STS: variants seen among roughly 807,000 people sequenced by gnomAD.
The protein encoded by STS is steryl-sulfatase.
A neutral mutation model predicts 26.8 loss-of-function variants in STS; 7 were observed. That is an observed-to-expected ratio of 0.26 (90% confidence interval 0.15 to 0.49). The LOEUF (loss-of-function observed/expected upper bound fraction) is 0.49, where lower values mean the gene tolerates loss of function less well. Among genes scored for constraint, STS ranks in the 20% least tolerant of loss-of-function variants. STS has a pLI of 0.98. For synonymous variants in STS, 199 were observed against 189.4 expected, an observed-to-expected ratio of 1.05 and a Z score of -0.42; for missense variants, 434 against 465.6, an observed-to-expected ratio of 0.93 and a Z score of 0.63.
chrX:7,235,625 T>G (rs1230864302), intron 2 of STS, among the ~76,000 whole-genome samples: 2 of 111,530 alleles, frequency 1.8e-5, no homozygotes, highest in Non-Finnish European at 3.8e-5. Context: ...TTTTAAAAAT[T>G]GGCCAGACAG....
At chrX:7,197,911 C>T (rs1934000250) in intron 2 of STS, among the ~76,000 whole-genome samples, 1 of 111,583 alleles carries the variant, frequency 9.0e-6, no homozygotes, top group Non-Finnish European at 1.9e-5. Flanking sequence ...TAAATAACTG[C>T]TAAATACATG....
intron 1 of STS, among the ~76,000 whole-genome samples, chrX:7,160,379 A>G (rs1204704914): frequency 8.9e-6 from 1 of 112,443 alleles, no homozygotes; most frequent in African/African-American, 3.2e-5. Context: ...ACAACAATTT[A>G]TCTAATATGT....
chrX:7,325,491 G>C lies in STS; in HGVS notation c.1234G>C (p.Glu412Gln). ...CAAGCTGGCTGGAGCTCCCTTGCCT[G>C]AGGACAGGTACTCTGATGCCAGGGT... The part of the protein sequence containing the change: ...VAKLAGAPLP[E>Q]DRIIDGRDLM... The change falls in exon 9 of 11, where the codon GAG becomes CAG. Residue 412 changes from glutamate (E) to glutamine (Q), a missense_variant. Physicochemically the swap from Glu to Gln is conservative, Grantham distance 29. This residue lies in a region of STS where 205 missense variants were observed against 177.3 expected (regional missense o/e 1.16). Transcript: ENST00000674429. The C allele has an allele frequency of 8.3e-7, 1 of 1,211,050 alleles. No individual in the cohort carries two copies. The highest frequency in any genetic ancestry group is 1.1e-6 in the Non-Finnish European group (1 of 895,268).
chrX:7,155,168 A>AT (rs1216527888), intron 1 of STS, among the ~76,000 whole-genome samples: 195 of 105,915 alleles, frequency 1.8e-3, no homozygotes, highest in African/African-American at 5.8e-3. Flanking sequence ...TGGTCTTCCC[A>AT]TTTTTTTTTT....
At position 7,257,321 on chromosome X, in the gene STS, A is replaced by C; in HGVS notation, c.217A>C (p.Ser73Arg). 1 of 1,212,056 alleles carries C rather than the reference A, an allele frequency of 8.3e-7. No individual in the cohort carries two copies. The highest frequency in any genetic ancestry group is 1.1e-6 in the Non-Finnish European group (1 of 895,450). Residue 73 changes from serine to arginine, a missense_variant, in exon 4 of 11, where the codon AGC (serine) becomes CGC (arginine). By Grantham distance (110) the Ser-to-Arg change is moderately radical. Coordinates refer to ENST00000674429, the MANE Select transcript of STS (RefSeq NM_001320752.2). ...HLAASPLCTP[S>R]RAAFMTGRYP... is the part of the protein sequence containing the mutation. ...GGCAGCATCACCGCTGTGCACACCAAGCAGGGCAGCCTTCATGACTGGCCG... is the reference window on the plus strand; with the variant it reads ...GGCAGCATCACCGCTGTGCACACCACGCAGGGCAGCCTTCATGACTGGCCG...
At chrX:7,256,267 A>C (rs1392791915) in intron 3 of STS, among the ~76,000 whole-genome samples, 2 of 112,205 alleles carry the variant, frequency 1.8e-5, no homozygotes, top group Non-Finnish European at 3.8e-5. Flanking sequence ...ATGTTCAGCC[A>C]ATCCATTCAT....
At chrX:7,247,447 T>G (rs912981297) in intron 2 of STS, among the ~76,000 whole-genome samples, 11 of 111,964 alleles carry the variant, frequency 9.8e-5, no homozygotes, top group African/African-American at 3.2e-4. Context: ...TTAAAAAATA[T>G]CATGCTTCTC....
intron 6 of STS, among the ~76,000 whole-genome samples, chrX:7,268,114 A>G (rs1924095161): frequency 9.0e-6 from 1 of 110,881 alleles, no homozygotes; most frequent in Non-Finnish European, 1.9e-5. Context: ...GGTGGGGGGG[A>G]AACACCTACA....
chrX:7,242,548 C>T (rs1458899167), intron 2 of STS, among the ~76,000 whole-genome samples: 2 of 109,253 alleles, frequency 1.8e-5, no homozygotes, highest in African/African-American at 3.3e-5. Flanking sequence ...TGCAGTGAGC[C>T]GTGATCACGC....
At chrX:7,172,209 A>G (rs1215490106) in intron 1 of STS, among the ~76,000 whole-genome samples, 1 of 111,672 alleles carries the variant, frequency 9.0e-6, no homozygotes, top group Non-Finnish European at 1.9e-5. Flanking sequence ...ACTCTGCAGT[A>G]TGACCCTATA....
At chrX:7,220,483 G>A (rs1363705416) in intron 2 of STS, among the ~76,000 whole-genome samples, 2 of 108,699 alleles carry the variant, frequency 1.8e-5, no homozygotes, top group South Asian at 4.0e-4. Flanking sequence ...AGTGCAACTC[G>A]AATGCCATTT....
intron 1 of STS, among the ~76,000 whole-genome samples, chrX:7,187,234 A>T (rs1246990807): frequency 8.9e-6 from 1 of 112,316 alleles, no homozygotes; most frequent in African/African-American, 3.2e-5. Flanking sequence ...TTCCTCTTCA[A>T]AATACACTTT....
At chrX:7,334,331 C>G (rs1018592913) in intron 10 of STS, among the ~76,000 whole-genome samples, 2 of 111,331 alleles carry the variant, frequency 1.8e-5, no homozygotes, top group Non-Finnish European at 3.8e-5. Flanking sequence ...ATGTCATTCA[C>G]CCACCTGAAC....
chrX:7,228,752 C>T (rs1921928374), intron 2 of STS, among the ~76,000 whole-genome samples: 1 of 112,127 alleles, frequency 8.9e-6, no homozygotes, highest in Non-Finnish European at 1.9e-5. Context: ...GTTTTTGCTT[C>T]TATGGCCTGA....
intron 8 of STS, among the ~76,000 whole-genome samples, chrX:7,323,043 C>G (rs755137121): frequency 5.0e-4 from 56 of 111,736 alleles, no homozygotes; most frequent in Non-Finnish European, 6.2e-4. Context: ...TTTTGTGCCT[C>G]TCTTGCAGGC....
intron 10 of STS, among the ~76,000 whole-genome samples, chrX:7,347,342 A>G (rs1248634607): frequency 1.2e-4 from 13 of 112,112 alleles, no homozygotes; most frequent in African/African-American, 4.2e-4. Flanking sequence ...TAAGCAATCT[A>G]CCTTTTTATG....
chrX:7,264,020 C>A (rs1413273852), intron 6 of STS, among the ~76,000 whole-genome samples: 1 of 111,931 alleles, frequency 8.9e-6, no homozygotes, highest in Non-Finnish European at 1.9e-5. Flanking sequence ...ATTTATAGAT[C>A]TATCAGAATT....
rs777589394 is a variant in STS, at chrX:7,341,635, G to A, written c.1363+7528G>A. On this transcript the variant is annotated intron_variant, in intron 10 of 10. Coordinates refer to ENST00000674429, the MANE Select transcript of STS (RefSeq NM_001320752.2). The stretch of plus-strand genomic sequence containing the variant: ...CTGTTGGTCCTTCAGGCTGGAGATG[G>A]TGCAGAGCCATTGTGTGATTTCAGG... 6.4e-4 allele frequency among the ~76,000 whole-genome samples: 72 copies of A among 111,721 alleles called. 3 individuals carry two copies. The highest frequency in any genetic ancestry group is 1.1e-3 in the Admixed American group (12 of 10,556).
intron 8 of STS, among the ~76,000 whole-genome samples, chrX:7,315,354 G>C (rs959208168): frequency 8.9e-6 from 1 of 112,011 alleles, no homozygotes; most frequent in Non-Finnish European, 1.9e-5. Flanking sequence ...ATCATAGAAG[G>C]CTTAATGAAA....
Sources: allele counts gnomAD v4.1 joint callset (sites outside exome capture counted in the v4.1 genomes callset), GRCh38; gene constraint gnomAD v4.1.1; regional missense constraint gnomAD v4.1.1; transcripts MANE v1.5; gene names NCBI Gene and HGNC (gene_info 2026-07-23, HGNC 2026-07-21).